The following VPS37A variants were observed in gnomAD, a reference collection of about 807,000 sequenced individuals.
VPS37A encodes the protein vacuolar protein sorting-associated protein 37A.
Under a neutral mutation model 49.8 loss-of-function variants are expected in VPS37A, and 30 were observed. The observed-to-expected ratio is 0.60, with a 90% confidence interval of 0.45 to 0.82. VPS37A has a LOEUF of 0.82. Among genes scored for constraint, VPS37A ranks in the 40% least tolerant of loss-of-function variants. VPS37A has a pLI of 0.00. For missense variants in VPS37A, 593 were observed against 464.4 expected, an observed-to-expected ratio of 1.28 and a Z score of -2.55; for synonymous variants, 195 against 160.6, an observed-to-expected ratio of 1.21 and a Z score of -1.62.
downstream of VPS37A, chr8:17,306,084 G>A: frequency 1.4e-6 from 1 of 729,986 alleles, no homozygotes; most frequent in Non-Finnish European, 2.1e-6. Flanking sequence ...AACTTGGAAT[G>A]ACAAAAAAGG....
chr8:17,293,454 C>G (rs778383963), intron 11 of VPS37A, among the ~76,000 whole-genome samples: 1 of 152,110 alleles, frequency 6.6e-6, no homozygotes, highest in Non-Finnish European at 1.5e-5. Context: ...AAGCCTACTT[C>G]TGTCAATTCA....
the VPS37A span, among the ~76,000 whole-genome samples, chr8:17,322,899 T>C: frequency 6.6e-6 from 1 of 152,094 alleles, no homozygotes; most frequent in Non-Finnish European, 1.5e-5. Context: ...GGCTTGGTGC[T>C]TTCATCTTAA....
At chr8:17,316,859 G>C in the VPS37A span, among the ~76,000 whole-genome samples, 1 of 152,040 alleles carries the variant, frequency 6.6e-6, no homozygotes, top group African/African-American at 2.4e-5. Context: ...GAGAATCTAT[G>C]GGGGCTGGGG....
the VPS37A span, among the ~76,000 whole-genome samples, chr8:17,309,943 C>T: frequency 1.3e-5 from 2 of 152,154 alleles, no homozygotes; most frequent in Non-Finnish European, 1.5e-5. Context: ...AAGTCTGAGG[C>T]AGTCCAGATT....
chr8:17,323,565 G>A, the VPS37A span, among the ~76,000 whole-genome samples: 1 of 152,052 alleles, frequency 6.6e-6, no homozygotes, highest in Non-Finnish European at 1.5e-5. Flanking sequence ...CTAGAGAGGA[G>A]GCCAGGAATC....
intron 9 of VPS37A, 44 bp downstream of exon 9, chr8:17,280,487 TA>T (rs3216864): frequency 6.6e-7 from 1 of 1,525,710 alleles, no homozygotes; most frequent in African/African-American, 1.4e-5. Flanking sequence ...ATTTTTTTTT[TA>T]ATCTTATGTG....
At chr8:17,326,967 C>A in the VPS37A span, among the ~76,000 whole-genome samples, 22 of 152,322 alleles carry the variant, frequency 1.4e-4, no homozygotes, top group African/African-American at 5.3e-4. Context: ...TCAGTCTTAT[C>A]TTTCCTTGGT....
chr8:17,256,809 C>T (rs1167505799), intron 1 of VPS37A, among the ~76,000 whole-genome samples: 4 of 151,974 alleles, frequency 2.6e-5, no homozygotes, highest in South Asian at 2.1e-4. Flanking sequence ...CTCACCACCA[C>T]ACCCGGCTAA....
intron 1 of VPS37A, among the ~76,000 whole-genome samples, chr8:17,261,815 C>G (rs902456836): frequency 1.3e-5 from 2 of 152,194 alleles, no homozygotes; most frequent in Non-Finnish European, 2.9e-5. Flanking sequence ...AATATATCTC[C>G]TACAACATGG....
rs1441398877 is a variant in VPS37A at position 17,284,617 on chromosome 8, G to A, written c.1113+1G>A. The stretch of plus-strand genomic sequence containing the variant: ...CAGTAGCTTCATGGAAAAGAGAACA[G>A]TATGTAATACTCGTCAGTTGAGGAC... On this transcript the variant is annotated splice_donor_variant, in intron 10 of 11. Coordinates refer to ENST00000324849, the MANE Select transcript of VPS37A (RefSeq NM_152415.3). LOFTEE classifies it high-confidence loss of function. The A allele has an allele frequency of 1.3e-6, 2 of 1,596,498 alleles. No homozygotes were observed. Among genetic ancestry groups the A allele is most frequent in the Non-Finnish European group, 1.7e-6 (2 of 1,174,322 alleles).
chr8:17,307,643 C>T, the VPS37A span, among the ~76,000 whole-genome samples: 2 of 152,134 alleles, frequency 1.3e-5, no homozygotes, highest in East Asian at 3.9e-4. Flanking sequence ...ACCTATATGT[C>T]CAACAACAAT....
chr8:17,324,502 C>G, the VPS37A span, among the ~76,000 whole-genome samples: 620 of 152,352 alleles, frequency 4.1e-3, 3 homozygotes, highest in African/African-American at 0.014. Flanking sequence ...TAGCCTCTGC[C>G]TCTGCGCTTA....
At chr8:17,298,652 T>G (rs559812260), downstream of VPS37A, 1 of 152,710 alleles carries the variant, frequency 6.5e-6, no homozygotes, top group African/African-American at 2.4e-5. Context: ...TCCTTTTACA[T>G]TCTAGAATGT....
intron 2 of VPS37A, among the ~76,000 whole-genome samples, chr8:17,267,386 A>C (rs1813568036): frequency 6.6e-6 from 1 of 152,166 alleles, no homozygotes; most frequent in South Asian, 2.1e-4. Flanking sequence ...ACAGGGTTTC[A>C]TATCCAGTAA....
rs754183498 is a variant in VPS37A at position 17,247,296 on chromosome 8, T to C, written c.52T>C (p.Ser18Pro). The C allele has an allele frequency of 6.4e-7, 1 of 1,562,966 alleles. No individual in the cohort carries two copies. The highest frequency in any genetic ancestry group is 8.7e-7 in the Non-Finnish European group (1 of 1,154,606). The part of the protein sequence containing the change: ...TKSASSSAAG[S>P]PGGLTSLQQQ... ...GAGCGCCTCCTCCTCCGCGGCTGGG[T>C]CCCCCGGTGGCCTCACCAGCCTCCA... Residue 18 changes from serine to proline, a missense_variant, in exon 1 of 12, where the codon TCC (serine) becomes CCC (proline). Physicochemically the swap from Ser to Pro is moderately conservative, Grantham distance 74. Coordinates refer to ENST00000324849, the MANE Select transcript of VPS37A (RefSeq NM_152415.3).
chr8:17,309,292 T>C, the VPS37A span: 4 of 1,560,642 alleles, frequency 2.6e-6, no homozygotes, highest in Non-Finnish European at 3.5e-6. Flanking sequence ...ATTAAACTTA[T>C]GACCAAAGGA....
rs1318782590 is a variant in VPS37A at position 17,247,384 on chromosome 8, C to T, written c.125+15C>T. The T allele has an allele frequency of 7.2e-6, 11 of 1,535,330 alleles. No individual in the cohort carries two copies. Among genetic ancestry groups the T allele is most frequent in the African/African-American group, 2.8e-5 (2 of 71,940 alleles). On this transcript the variant is annotated intron_variant, in intron 1 of 11. Coordinates refer to ENST00000324849, the MANE Select transcript of VPS37A (RefSeq NM_152415.3). ...TCACACTCCAGGTGACTGGTCGCTG[C>T]CTCTCCACCGGAGGAAAAAGTAGGG...
chr8:17,327,010 G>A, the VPS37A span, among the ~76,000 whole-genome samples: 65 of 152,290 alleles, frequency 4.3e-4, no homozygotes, highest in African/African-American at 1.5e-3. Flanking sequence ...TGCTCTCCTA[G>A]TCTTTCTTCA....
At chr8:17,284,714 A>G (rs1393817966) in intron 10 of VPS37A, 98 bp downstream of exon 10, 4 of 1,350,302 alleles carry the variant, frequency 3.0e-6, no homozygotes, top group Non-Finnish European at 4.0e-6. Flanking sequence ...CTCTATTATG[A>G]TATCATCCCC....
Sources: gnomAD v4.1 joint callset for allele counts (sites outside exome capture counted in the v4.1 genomes callset) on GRCh38, gnomAD v4.1.1 for gene constraint, MANE v1.5 for transcripts, NCBI Gene and HGNC (gene_info 2026-07-23, HGNC 2026-07-21) for gene names.